The following DLG5 variants were observed in gnomAD, a reference collection of about 807,000 sequenced individuals.
DLG5 encodes the protein discs large MAGUK scaffold protein 5.
In DLG5, 48 loss-of-function variants were observed where a neutral mutation model predicts 189.8. The ratio of observed to expected loss-of-function variants is 0.25; its 90% CI spans 0.20 to 0.32. The LOEUF (loss-of-function observed/expected upper bound fraction) is 0.32, where lower values mean the gene tolerates loss of function less well. DLG5 is among the 10% of genes least tolerant of loss of function. The probability of loss-of-function intolerance (pLI) is 1.00; values close to 1 mark genes in which losing one functional copy is unlikely to be tolerated. For synonymous variants in DLG5, 1,016 were observed against 1,054.1 expected, an observed-to-expected ratio of 0.96 and a Z score of 0.70; for missense variants, 2,160 against 2,544.7, an observed-to-expected ratio of 0.85 and a Z score of 3.25.
chr10:77,882,151 A>G (rs530580026), intron 1 of DLG5, among the ~76,000 whole-genome samples: 21 of 152,282 alleles, frequency 1.4e-4, no homozygotes, highest in African/African-American at 5.1e-4. Context: ...GCTGAGTTTG[A>G]ACTCGTCAGG....
intron 9 of DLG5, among the ~76,000 whole-genome samples, chr10:77,832,116 A>G (rs1325687685): frequency 1.3e-5 from 2 of 152,270 alleles, no homozygotes; most frequent in African/African-American, 4.8e-5. Context: ...GCTGAGGTAC[A>G]AGAATCACCT....
intron 2 of DLG5, among the ~76,000 whole-genome samples, chr10:77,863,925 TG>T (rs1192438244): frequency 6.6e-6 from 1 of 152,092 alleles, no homozygotes; most frequent in Non-Finnish European, 1.5e-5. Flanking sequence ...ACGAGGAAGC[TG>T]GAAGAGGAGA....
chr10:77,813,313 C>A (rs1370784635), intron 20 of DLG5, among the ~76,000 whole-genome samples: 1 of 152,186 alleles, frequency 6.6e-6, no homozygotes, highest in East Asian at 1.9e-4. Flanking sequence ...TAGATTCTAG[C>A]GGGGAGGCAC....
chr10:77,901,482 AG>A (rs761262236), intron 1 of DLG5, among the ~76,000 whole-genome samples: 51 of 152,218 alleles, frequency 3.4e-4, no homozygotes, highest in Non-Finnish European at 5.4e-4. Context: ...CGCCGGTGTC[AG>A]GAAGTAGCAC....
At chr10:77,799,351 A>T (rs1841086942) in intron 27 of DLG5, among the ~76,000 whole-genome samples, 1 of 152,180 alleles carries the variant, frequency 6.6e-6, no homozygotes, top group African/African-American at 2.4e-5. Flanking sequence ...CGGAGTCTTC[A>T]GGAGGTAAGT....
In DLG5 at chr10:77,917,065, T is replaced by C. The variant is rs139657478; in HGVS notation, c.304+9152A>G. Among the ~76,000 whole-genome samples the C allele has an allele frequency of 3.5e-3, 536 of 151,854 alleles. 3 individuals carry two copies. The highest frequency in any genetic ancestry group is 0.018 in the South Asian group (88 of 4,808). ...CTTCACTTATAAAAGATACCTAAAGTAGTCAAATTCCTAGAAACGGACAAC... is the reference window on the plus strand; with the variant it reads ...CTTCACTTATAAAAGATACCTAAAGCAGTCAAATTCCTAGAAACGGACAAC... On this transcript the variant is annotated intron_variant, in intron 1 of 31. Coordinates refer to ENST00000372391, the MANE Select transcript of DLG5 (RefSeq NM_004747.4).
At chr10:77,837,777 C>T (rs528320471) in intron 7 of DLG5, among the ~76,000 whole-genome samples, 2 of 152,332 alleles carry the variant, frequency 1.3e-5, no homozygotes, top group South Asian at 4.1e-4. Context: ...CATCAGATGT[C>T]AGTCTGAGTC....
At chr10:77,844,539 T>C (rs996373619) in intron 5 of DLG5, among the ~76,000 whole-genome samples, 1 of 152,138 alleles carries the variant, frequency 6.6e-6, no homozygotes, top group South Asian at 2.1e-4. Context: ...CTCCATGGTG[T>C]AGGGTCCCCC....
chr10:77,900,341 G>T (rs1247511469), intron 1 of DLG5, among the ~76,000 whole-genome samples: 1 of 152,130 alleles, frequency 6.6e-6, no homozygotes, highest in Non-Finnish European at 1.5e-5. Flanking sequence ...GGCACACCTG[G>T]CTGTGTCCTA....
Position 77,926,307 on chromosome 10 carries a change from G to A in DLG5, c.214C>T (p.Arg72Trp), listed in dbSNP as rs983977509. 5.0e-6 allele frequency: 8 copies of A among 1,598,346 alleles called. No homozygotes were observed. The highest frequency in any genetic ancestry group is 1.4e-5 in the African/African-American group (1 of 74,048). ...AKERDHFQDL[R>W]AALEKTQPHL... ...GGCTGCGTCTTCTCCAGCGCCGCCC[G>A]CAGGTCCTGGAAGTGGTCCCGCTCC... Residue 72 changes from arginine to tryptophan, a missense_variant, in exon 1 of 32, where the codon CGG (arginine) becomes TGG (tryptophan). By Grantham distance (101) the Arg-to-Trp change is moderately radical (BLOSUM62 -3). Around this residue, in one of 5 missense-constraint regions of DLG5, gnomAD observed 664 missense variants for 838.5 expected, o/e 0.79. Transcript: ENST00000372391. The surrounding 1 kb of genome is among the most constrained non-coding windows in gnomAD (Gnocchi z 5.2).
At chr10:77,867,488 G>T (rs925617241) in intron 2 of DLG5, among the ~76,000 whole-genome samples, 1 of 152,162 alleles carries the variant, frequency 6.6e-6, no homozygotes, top group African/African-American at 2.4e-5. Flanking sequence ...CCTGAAGGGT[G>T]AGTCCCACAT....
chr10:77,897,358 AAAATAAATAAAT>A lies in DLG5; in HGVS notation c.305-28173_305-28162del, dbSNP rs566516489. Among the ~76,000 whole-genome samples the A allele has an allele frequency of 1.5e-3, 229 of 151,668 alleles. 2 individuals carry two copies. The highest frequency in any genetic ancestry group is 5.4e-3 in the African/African-American group (223 of 41,228). On this transcript the variant is annotated intron_variant, in intron 1 of 31. Transcript: ENST00000372391. ...GCAACAGAGAGAGACTCCATCTCCA[AAAATAAATAAAT>A]AAATAAATAAATAAATAATTTTTGC...
At chr10:77,841,120 A>T (rs1843394769) in intron 7 of DLG5, among the ~76,000 whole-genome samples, 1 of 152,240 alleles carries the variant, frequency 6.6e-6, no homozygotes, top group African/African-American at 2.4e-5. Context: ...TAGAAGCTCT[A>T]ATCAGAGCCA....
intron 17 of DLG5, 145 bp downstream of exon 17, chr10:77,819,176 C>CT: frequency 8.3e-7 from 1 of 1,201,714 alleles, no homozygotes; most frequent in Non-Finnish European, 1.2e-6. Context: ...CTAAGGCTCC[C>CT]TTTCCCTGTG....
At chr10:77,856,345 C>G (rs1240490903) in intron 3 of DLG5, among the ~76,000 whole-genome samples, 1 of 152,066 alleles carries the variant, frequency 6.6e-6, no homozygotes, top group Non-Finnish European at 1.5e-5. Flanking sequence ...GAGCAAGACC[C>G]CGTCTCAAAA....
At chr10:77,881,107 G>A (rs1208079849) in intron 1 of DLG5, among the ~76,000 whole-genome samples, 1 of 151,740 alleles carries the variant, frequency 6.6e-6, no homozygotes, top group African/African-American at 2.4e-5. Context: ...TGAGTAGCTG[G>A]GGTTACAGGC....
intron 23 of DLG5, among the ~76,000 whole-genome samples, chr10:77,809,993 C>T (rs1191207781): frequency 2.0e-5 from 3 of 152,178 alleles, no homozygotes; most frequent in African/African-American, 7.2e-5. Context: ...GCTCCCAGGC[C>T]CGGCTATCAA....
intron 27 of DLG5, among the ~76,000 whole-genome samples, chr10:77,802,520 GC>G (rs1305680133): frequency 6.6e-6 from 1 of 152,236 alleles, no homozygotes; most frequent in Non-Finnish European, 1.5e-5. Flanking sequence ...AATGTAAAAG[GC>G]AAAAACCGAT....
chr10:77,880,318 G>A (rs1382389708), intron 1 of DLG5, among the ~76,000 whole-genome samples: 1 of 152,164 alleles, frequency 6.6e-6, no homozygotes, highest in Non-Finnish European at 1.5e-5. Context: ...GCCGGCCATG[G>A]TGGCGCATGC....
Sources: allele counts gnomAD v4.1 joint callset (sites outside exome capture counted in the v4.1 genomes callset), GRCh38; gene constraint gnomAD v4.1.1; regional missense constraint gnomAD v4.1.1; non-coding constraint Gnocchi (gnomAD v3.1); transcripts MANE v1.5; gene names NCBI Gene and HGNC (gene_info 2026-07-23, HGNC 2026-07-21).